TRPM3: variants seen among roughly 807,000 people sequenced by gnomAD.
TRPM3 encodes the protein transient receptor potential cation channel subfamily M member 3, also known as long transient receptor potential channel 3.
A neutral mutation model predicts 181.2 loss-of-function variants in TRPM3; 77 were observed. The observed-to-expected ratio is 0.42, with a 90% CI of 0.35 to 0.51. TRPM3 has a LOEUF of 0.51. TRPM3 is among the 20% of genes least tolerant of loss of function. TRPM3 has a pLI of 0.01. For synonymous variants in TRPM3, 745 were observed against 796.4 expected (o/e 0.94, Z 1.09); for missense variants, 1,759 against 2,196.7 (o/e 0.80, Z 3.98).
intron 1 of TRPM3, among the ~76,000 whole-genome samples, chr9:71,281,983 C>A (rs572980941): frequency 6.6e-6 from 1 of 151,984 alleles, no homozygotes; most frequent in African/African-American, 2.4e-5. Context: ...ATCACTTGAA[C>A]CTGGGAGGCA....
intron 1 of TRPM3, among the ~76,000 whole-genome samples, chr9:71,403,415 T>G (rs1017852010): frequency 1.3e-5 from 2 of 152,148 alleles, no homozygotes; most frequent in Non-Finnish European, 2.9e-5. Context: ...AGAAAGTATG[T>G]ATAAAGACAG....
intron 9 of TRPM3, among the ~76,000 whole-genome samples, chr9:70,656,005 G>A (rs1246267694): frequency 2.6e-5 from 4 of 152,106 alleles, no homozygotes; most frequent in Non-Finnish European, 4.4e-5. Context: ...GAAAATAAAA[G>A]TGCTTGAATC....
intron 1 of TRPM3, among the ~76,000 whole-genome samples, chr9:70,925,852 T>C (rs920636520): frequency 4.6e-5 from 7 of 151,976 alleles, no homozygotes; most frequent in African/African-American, 1.4e-4. Flanking sequence ...ACATCCTCTT[T>C]CCTGGGTTAA....
At chr9:71,289,019 TC>T (rs1027896190) in intron 1 of TRPM3, among the ~76,000 whole-genome samples, 65 of 152,146 alleles carry the variant, frequency 4.3e-4, no homozygotes, top group African/African-American at 1.4e-3. Context: ...GGCTCAACAG[TC>T]CCTCATATAC....
In TRPM3 at chr9:70,591,471, G is replaced by C. The variant is rs550062865; in HGVS notation, c.3049-266C>G. 3.3e-5 allele frequency among the ~76,000 whole-genome samples: 5 copies of C among 152,240 alleles called. No individual in the cohort carries two copies. The South Asian group carries it at 1.0e-3, about 32-fold the overall frequency. ...CTCTTCGTTTTTCATTGCTGTCTGT[G>C]GGACCGAGCATAGGTCCCACATAGG... is the stretch of plus-strand genomic sequence containing the variant. On this transcript the variant is annotated intron_variant, in intron 21 of 25. Coordinates refer to ENST00000677713, the MANE Select transcript of TRPM3 (RefSeq NM_001366145.2).
chr9:70,929,643 C>T (rs934137050), intron 1 of TRPM3, among the ~76,000 whole-genome samples: 3 of 152,076 alleles, frequency 2.0e-5, no homozygotes, highest in African/African-American at 7.2e-5. Context: ...CTAGTTGAGC[C>T]TGGCTGACAG....
chr9:70,898,684 G>A (rs2096329702), intron 1 of TRPM3, among the ~76,000 whole-genome samples: 2 of 146,994 alleles, frequency 1.4e-5, no homozygotes, highest in Non-Finnish European at 3.0e-5. Context: ...GGAGGTAGAG[G>A]TTGCACTGAG....
chr9:71,409,609 A>C (rs1588898038), intron 1 of TRPM3, among the ~76,000 whole-genome samples: 3 of 152,210 alleles, frequency 2.0e-5, no homozygotes, highest in African/African-American at 7.2e-5. Flanking sequence ...TTCATAAAGC[A>C]AGTCCTTAGA....
intron 1 of TRPM3, among the ~76,000 whole-genome samples, chr9:70,928,043 A>G (rs920023548): frequency 6.6e-6 from 1 of 152,196 alleles, no homozygotes; most frequent in Admixed American, 6.5e-5. Context: ...TGTGACTTCC[A>G]ACTAATTGTT....
intron 9 of TRPM3, among the ~76,000 whole-genome samples, chr9:70,645,655 A>G (rs1410614601): frequency 6.6e-6 from 1 of 152,182 alleles, no homozygotes; most frequent in Non-Finnish European, 1.5e-5. Context: ...ATGGGCAAAG[A>G]CTTCCTGACT....
chr9:70,855,961 G>A (rs368664094), intron 3 of TRPM3, among the ~76,000 whole-genome samples: 1 of 152,134 alleles, frequency 6.6e-6, no homozygotes, highest in Non-Finnish European at 1.5e-5. Flanking sequence ...GGAATTGGAG[G>A]TGTTATTGTA....
chr9:71,420,975 AAGAG>A (rs1491329622), intron 1 of TRPM3, among the ~76,000 whole-genome samples: 1 of 126,660 alleles, frequency 7.9e-6, no homozygotes, highest in African/African-American at 3.3e-5. Flanking sequence ...GGGAGAGAAA[AAGAG>A]AGAGAAAAAG....
chr9:71,378,291 A>G (rs375249380), intron 1 of TRPM3, among the ~76,000 whole-genome samples: 78 of 152,220 alleles, frequency 5.1e-4, no homozygotes, highest in African/African-American at 1.8e-3. Context: ...GCCAAATTGG[A>G]AAAGACCAAA....
intron 6 of TRPM3, among the ~76,000 whole-genome samples, chr9:70,824,228 AG>A (rs34863511): frequency 0.078 from 11,804 of 152,074 alleles, 709 homozygotes; most frequent in East Asian, 0.27. Context: ...GGAAATGCTG[AG>A]GGGCGTTCAT....
chr9:71,318,848 A>T (rs913299481), intron 1 of TRPM3, among the ~76,000 whole-genome samples: 1 of 152,156 alleles, frequency 6.6e-6, no homozygotes, highest in African/African-American at 2.4e-5. Flanking sequence ...AACCAGCACC[A>T]CAATCAAGCT....
chr9:71,191,793 A>T (rs563884020), intron 1 of TRPM3, among the ~76,000 whole-genome samples: 2 of 8,788 alleles, frequency 2.3e-4, no homozygotes, highest in Non-Finnish European at 1.6e-3. Flanking sequence ...AGAACATATA[A>T]AAAAAAAAAA....
chr9:71,224,661 G>C (rs1336773319), intron 1 of TRPM3, among the ~76,000 whole-genome samples: 1 of 151,942 alleles, frequency 6.6e-6, no homozygotes, highest in Non-Finnish European at 1.5e-5. Context: ...ATAACACAGA[G>C]AAGGAATTCA....
At chr9:70,872,836 C>T (rs2095811076) in intron 1 of TRPM3, among the ~76,000 whole-genome samples, 1 of 151,926 alleles carries the variant, frequency 6.6e-6, no homozygotes, top group Non-Finnish European at 1.5e-5. Context: ...TTTCCTTGCA[C>T]ATTAATTCTT....
chr9:71,224,384 C>T (rs1009363239), intron 1 of TRPM3, among the ~76,000 whole-genome samples: 9 of 152,196 alleles, frequency 5.9e-5, no homozygotes, highest in Non-Finnish European at 1.3e-4. Context: ...ACCACTGGAT[C>T]GCAACACCCA....
Sources: allele counts gnomAD v4.1 joint callset (sites outside exome capture counted in the v4.1 genomes callset), GRCh38; gene constraint gnomAD v4.1.1; transcripts MANE v1.5; gene names NCBI Gene and HGNC (gene_info 2026-07-23, HGNC 2026-07-21).